Variants in ADAM10 observed in about 807,000 individuals in gnomAD.
ADAM10 encodes ADAM metallopeptidase domain 10.
Under a neutral mutation model 90.1 loss-of-function variants are expected in ADAM10, and 17 were observed. That is an observed-to-expected ratio of 0.19 (90% CI 0.13 to 0.28). The LOEUF is 0.28. Among genes scored for constraint, ADAM10 ranks in the 10% least tolerant of loss-of-function variants. The pLI, the probability that ADAM10 is intolerant of heterozygous loss-of-function variation, is 1.00. For missense variants in ADAM10, 610 were observed against 914.3 expected, an observed-to-expected ratio of 0.67 and a Z score of 4.29; for synonymous variants, 310 against 298.6, an observed-to-expected ratio of 1.04 and a Z score of -0.40.
chr15:58,712,781 C>T (rs1898519131), intron 2 of ADAM10, among the ~76,000 whole-genome samples: 1 of 151,944 alleles, frequency 6.6e-6, no homozygotes, highest in Non-Finnish European at 1.5e-5. Context: ...AGCCAAGTTC[C>T]CCCCACTGCA....
At chr15:58,611,159 T>C (rs1895427970) in intron 12 of ADAM10, 52 bp from the exon 13 acceptor site, 2 of 1,321,900 alleles carry the variant, frequency 1.5e-6, no homozygotes, top group South Asian at 2.4e-5. Flanking sequence ...GTCAAACCTA[T>C]TTTTTATAGT....
At chr15:58,657,448 TTC>T (rs1566983079) in intron 5 of ADAM10, among the ~76,000 whole-genome samples, 1 of 152,208 alleles carries the variant, frequency 6.6e-6, no homozygotes, top group Non-Finnish European at 1.5e-5. Context: ...TCACTAATTC[TTC>T]TGTTTTATCA....
intron 2 of ADAM10, among the ~76,000 whole-genome samples, chr15:58,717,210 T>G (rs1218441968): frequency 6.6e-6 from 1 of 152,186 alleles, no homozygotes; most frequent in South Asian, 2.1e-4. Flanking sequence ...AAATGATGTA[T>G]TCAATGGCAT....
chr15:58,650,786 T>A (rs972655014), intron 5 of ADAM10, among the ~76,000 whole-genome samples: 1 of 152,198 alleles, frequency 6.6e-6, no homozygotes, highest in Admixed American at 6.5e-5. Flanking sequence ...CATATATTTT[T>A]AAAATATTTT....
At chr15:58,679,584 C>T (rs1897373279) in intron 3 of ADAM10, among the ~76,000 whole-genome samples, 1 of 152,116 alleles carries the variant, frequency 6.6e-6, no homozygotes, top group African/African-American at 2.4e-5. Context: ...AGCTGAGTGC[C>T]TAGCATGTAT....
At chr15:58,718,356 T>C (rs576612517) in intron 1 of ADAM10, among the ~76,000 whole-genome samples, 22 of 152,300 alleles carry the variant, frequency 1.4e-4, no homozygotes, top group African/African-American at 2.9e-4. Context: ...CTTGGTCATG[T>C]TGTCAGATTC....
Position 58,627,088 on chromosome 15 carries a change from C to A in ADAM10, c.1360+612G>T, listed in dbSNP as rs572420284. 2.6e-5 allele frequency among the ~76,000 whole-genome samples: 4 copies of A among 152,158 alleles called. No homozygotes were observed. The South Asian group carries it at 8.3e-4, about 32-fold the overall frequency. On this transcript the variant is annotated intron_variant, in intron 10 of 15. Transcript: ENST00000260408. ...ATGTACAAACTAGGACATATTCATA[C>A]AACGTAATAGTACTCAGCAATAAAA...
intron 8 of ADAM10, among the ~76,000 whole-genome samples, chr15:58,640,201 C>T (rs1440999752): frequency 6.6e-6 from 1 of 152,156 alleles, no homozygotes; most frequent in Non-Finnish European, 1.5e-5. Context: ...AGTATGAACC[C>T]AGGTGATGAT....
chr15:58,701,195 C>G (rs1898127730), intron 2 of ADAM10, among the ~76,000 whole-genome samples: 1 of 151,478 alleles, frequency 6.6e-6, no homozygotes. Flanking sequence ...GCAAACTATT[C>G]ATCTGAGAAG....
At chr15:58,692,253 G>T in intron 2 of ADAM10, 3 of 599,794 alleles carry the variant, frequency 5.0e-6, no homozygotes, top group South Asian at 4.1e-5. Flanking sequence ...GGAATTGCTT[G>T]ACTGCCAAGT....
intron 4 of ADAM10, among the ~76,000 whole-genome samples, chr15:58,675,487 T>C (rs1897288031): frequency 6.6e-6 from 1 of 152,194 alleles, no homozygotes; most frequent in African/African-American, 2.4e-5. Flanking sequence ...TTCTAGTTTA[T>C]GGAACAATGT....
At chr15:58,708,726 C>G (rs929743395) in intron 2 of ADAM10, among the ~76,000 whole-genome samples, 1 of 152,174 alleles carries the variant, frequency 6.6e-6, no homozygotes, top group African/African-American at 2.4e-5. Context: ...AACTAAGATT[C>G]TTGATTTGCT....
chr15:58,615,326 G>A (rs1444623365), intron 11 of ADAM10, among the ~76,000 whole-genome samples: 4 of 149,232 alleles, frequency 2.7e-5, no homozygotes, highest in African/African-American at 9.8e-5. Context: ...AATGATAAGA[G>A]GAAGTCCTCA....
At chr15:58,706,252 G>T (rs1299500892) in intron 2 of ADAM10, among the ~76,000 whole-genome samples, 1 of 152,112 alleles carries the variant, frequency 6.6e-6, no homozygotes. Flanking sequence ...TCCTTGCTTC[G>T]AGGTACTATC....
chr15:58,696,212 G>A (rs571225504), intron 2 of ADAM10, among the ~76,000 whole-genome samples: 26 of 151,970 alleles, frequency 1.7e-4, no homozygotes, highest in African/African-American at 6.0e-4. Flanking sequence ...TCCTGAGCCC[G>A]GGAGGCAGAG....
intron 1 of ADAM10, among the ~76,000 whole-genome samples, chr15:58,723,414 G>C (rs746563415): frequency 6.6e-5 from 10 of 152,182 alleles, no homozygotes; most frequent in Non-Finnish European, 1.2e-4. Context: ...GCCGGGTGTG[G>C]TGGCTCATGC....
intron 2 of ADAM10, among the ~76,000 whole-genome samples, chr15:58,690,073 A>G (rs186122248): frequency 1.6e-4 from 24 of 152,292 alleles, no homozygotes; most frequent in Admixed American, 3.9e-4. Context: ...AAATGAAGTA[A>G]TAAGAGGCTG....
chr15:58,700,440 A>G (rs1429138570), intron 2 of ADAM10, among the ~76,000 whole-genome samples: 1 of 152,236 alleles, frequency 6.6e-6, no homozygotes, highest in Non-Finnish European at 1.5e-5. Context: ...TGGAAACTGT[A>G]CAAATACATG....
intron 1 of ADAM10, among the ~76,000 whole-genome samples, chr15:58,718,564 C>T (rs1329758735): frequency 3.9e-5 from 6 of 152,126 alleles, no homozygotes; most frequent in African/African-American, 1.4e-4. Flanking sequence ...CTAATTATTT[C>T]CCACTACTGA....
Sources: allele counts gnomAD v4.1 joint callset (sites outside exome capture counted in the v4.1 genomes callset), GRCh38; gene constraint gnomAD v4.1.1; transcripts MANE v1.5; gene names NCBI Gene and HGNC (gene_info 2026-07-23, HGNC 2026-07-21).